Variants in LNX2 observed in about 807,000 individuals in gnomAD.
LNX2 encodes the protein ligand of numb-protein X 2, also known as ligand of Numb protein X 2.
LNX2 carries 35 observed loss-of-function variants against 66.2 expected under a neutral mutation model. The ratio of observed to expected loss-of-function variants is 0.53; its 90% CI spans 0.40 to 0.70. The LOEUF (loss-of-function observed/expected upper bound fraction) is 0.70, where lower values mean the gene tolerates loss of function less well. Among genes scored for constraint, LNX2 ranks in the 30% least tolerant of loss-of-function variants. LNX2 has a pLI of 0.00. For synonymous variants in LNX2, 337 were observed against 315.6 expected (o/e 1.07, Z -0.72); for missense variants, 791 against 850.8 (o/e 0.93, Z 0.87).
At chr13:27,607,563 T>C (rs1258156761) in intron 1 of LNX2, among the ~76,000 whole-genome samples, 2 of 152,210 alleles carry the variant, frequency 1.3e-5, no homozygotes, top group East Asian at 1.9e-4. Flanking sequence ...TAATAACTGG[T>C]AGGGTTTTGT....
chr13:27,576,101 C>T (rs1025466944), intron 2 of LNX2, among the ~76,000 whole-genome samples: 1 of 152,086 alleles, frequency 6.6e-6, no homozygotes, highest in Non-Finnish European at 1.5e-5. Context: ...GATTCAAAGA[C>T]ATAAATAAAG....
chr13:27,569,367 C>G (rs1955249296), intron 2 of LNX2, 91 bp from the exon 3 acceptor site: 1 of 1,382,844 alleles, frequency 7.2e-7, no homozygotes, highest in African/African-American at 1.5e-5. Context: ...TCTACACAAA[C>G]AGAACCAGAA....
chr13:27,548,564 A>C, intron 9 of LNX2, 94 bp from the exon 10 acceptor site: 2 of 1,303,224 alleles, frequency 1.5e-6, no homozygotes, highest in African/African-American at 1.5e-5. Flanking sequence ...ATGCGGTTTC[A>C]CTTACCACTG....
At position 27,556,249 on chromosome 13, in the gene LNX2, G is replaced by A. The variant is rs1384099114; in HGVS notation, c.1533C>T (p.Gly511=). 5 of 1,613,380 alleles carry A rather than the reference G, an allele frequency of 3.1e-6. No individual in the cohort carries two copies. Among genetic ancestry groups the A allele is most frequent in the Non-Finnish European group, 3.4e-6 (4 of 1,179,736 alleles). The change falls in exon 7 of 10, where the codon GGC becomes GGT. Residue 511 remains glycine (G), a synonymous_variant. Coordinates refer to ENST00000316334, the MANE Select transcript of LNX2 (RefSeq NM_153371.4). ...VPPHGCLARD[G]RIKRGDVLLN... Reference sequence around the variant, plus strand: ...ATCCCATCTTACCTCTCTTTATTCTGCCATCTCGTGCAAGGCAGCCATGGG... The same window carrying A: ...ATCCCATCTTACCTCTCTTTATTCTACCATCTCGTGCAAGGCAGCCATGGG...
chr13:27,600,981 A>G (rs1191800072), intron 1 of LNX2, among the ~76,000 whole-genome samples: 1 of 152,152 alleles, frequency 6.6e-6, no homozygotes, highest in Non-Finnish European at 1.5e-5. Flanking sequence ...TCCTTTAACC[A>G]TATTACTTGA....
chr13:27,620,472 T>A lies in LNX2; in HGVS notation c.-198A>T, dbSNP rs1955888286. ...CGGCCCGCTGAGGGAGCGGAGAGCC[T>A]GCCCGGCTCCGCTCCGCCAGGAATC... On this transcript the variant is annotated 5_prime_UTR_variant, in exon 1 of 10. Transcript: ENST00000316334. 1.2e-5 allele frequency: 2 copies of A among 164,322 alleles called. No homozygotes were observed. The highest frequency in any genetic ancestry group is 2.6e-5 in the Non-Finnish European group (2 of 77,660). The allele number at this position is 164,322 out of a possible 1,614,324, so 10.2% of individuals were successfully genotyped here.
Position 27,546,167 on chromosome 13 carries a change from T to C in LNX2, c.*2168A>G, listed in dbSNP as rs778308108. The C allele has an allele frequency of 6.6e-6, 1 of 152,212 alleles. No individual in the cohort carries two copies. The highest frequency in any genetic ancestry group is 1.5e-5 in the Non-Finnish European group (1 of 68,036). The allele number at this position is 152,212 out of a possible 1,614,324, so 9.4% of individuals were successfully genotyped here. A position where few individuals can be genotyped will look rare whatever the true frequency, so the allele number is the denominator to read the frequency against. On this transcript the variant is annotated 3_prime_UTR_variant, in exon 10 of 10. Coordinates refer to ENST00000316334, the MANE Select transcript of LNX2 (RefSeq NM_153371.4). ...GCTACAGCTTAAGCTGATTCCAAGATTTCTATAAAAATGAGAGTGAAGAAA... is the reference window on the plus strand; with the variant it reads ...GCTACAGCTTAAGCTGATTCCAAGACTTCTATAAAAATGAGAGTGAAGAAA...
chr13:27,577,452 T>C (rs1237793814), intron 2 of LNX2, among the ~76,000 whole-genome samples: 1 of 152,144 alleles, frequency 6.6e-6, no homozygotes, highest in Admixed American at 6.5e-5. Flanking sequence ...TAAAGCAGGG[T>C]TGTCCAATCT....
At chr13:27,595,666 T>C (rs1412047322) in intron 1 of LNX2, among the ~76,000 whole-genome samples, 2 of 152,336 alleles carry the variant, frequency 1.3e-5, no homozygotes, top group East Asian at 3.9e-4. Flanking sequence ...CATATCTGTC[T>C]CTATGTCCAC....
chr13:27,570,856 A>T (rs1163755157), intron 2 of LNX2, among the ~76,000 whole-genome samples: 1 of 152,174 alleles, frequency 6.6e-6, no homozygotes, highest in Non-Finnish European at 1.5e-5. Flanking sequence ...ATACAGACAG[A>T]TTATGTACAC....
chr13:27,552,375 CTAG>C lies in LNX2; in HGVS notation c.1778+830_1778+832del, dbSNP rs551790977. Reference sequence around the variant, plus strand: ...AGCGCCTTGAAGCACTATATAAATGCTAGTTGTTGTTATAAATGTATCCCACGA... The same window carrying C: ...AGCGCCTTGAAGCACTATATAAATGCTTGTTGTTATAAATGTATCCCACGA... On this transcript the variant is annotated intron_variant, in intron 8 of 9. Coordinates refer to ENST00000316334, the MANE Select transcript of LNX2 (RefSeq NM_153371.4). Among the ~76,000 whole-genome samples the C allele has an allele frequency of 3.1e-3, 473 of 152,310 alleles. 1 individual carries two copies. The highest frequency in any genetic ancestry group is 6.8e-3 in the Middle Eastern group (2 of 294).
chr13:27,557,951 C>A (rs1166183307), intron 6 of LNX2, among the ~76,000 whole-genome samples: 4 of 151,924 alleles, frequency 2.6e-5, no homozygotes, highest in African/African-American at 9.7e-5. Context: ...CAGGTTCAGC[C>A]CTTACATATT....
At chr13:27,593,722 C>T (rs1041247037) in intron 1 of LNX2, among the ~76,000 whole-genome samples, 8 of 150,634 alleles carry the variant, frequency 5.3e-5, no homozygotes, top group Admixed American at 5.3e-4. Flanking sequence ...CGCCCACCAC[C>T]ACGCCTGGTT....
chr13:27,573,956 T>C (rs1050746786), intron 2 of LNX2, among the ~76,000 whole-genome samples: 1 of 146,384 alleles, frequency 6.8e-6, no homozygotes, highest in Non-Finnish European at 1.5e-5. Context: ...CAACAGAAAC[T>C]GTCCCTAAGG....
chr13:27,556,149 G>T, intron 7 of LNX2, 87 bp downstream of exon 7: 2 of 1,271,786 alleles, frequency 1.6e-6, no homozygotes, highest in South Asian at 1.4e-5. Context: ...ATGTTTAATA[G>T]ATACTTTGTA....
chr13:27,564,139 A>G (rs929379264), intron 4 of LNX2, among the ~76,000 whole-genome samples: 1 of 152,210 alleles, frequency 6.6e-6, no homozygotes, highest in African/African-American at 2.4e-5. Flanking sequence ...ATCACAAATG[A>G]CTTTACAAAA....
intron 2 of LNX2, 94 bp from the exon 3 acceptor site, chr13:27,569,370 A>T (rs531157709): frequency 5.9e-6 from 8 of 1,361,104 alleles, no homozygotes; most frequent in Admixed American, 4.3e-5. Flanking sequence ...ACACAAACAG[A>T]ACCAGAAGCT....
intron 4 of LNX2, 130 bp downstream of exon 4, chr13:27,567,510 G>GT: frequency 1.4e-6 from 1 of 710,070 alleles, no homozygotes. Flanking sequence ...AAATTCTGAT[G>GT]TTTTGCATAT....
chr13:27,593,844 C>T (rs183785120), intron 1 of LNX2, among the ~76,000 whole-genome samples: 1 of 151,340 alleles, frequency 6.6e-6, no homozygotes, highest in South Asian at 2.1e-4. Flanking sequence ...GATCTGCCTG[C>T]CTCTGCCTCC....
Sources: gnomAD v4.1 joint callset for allele counts (sites outside exome capture counted in the v4.1 genomes callset) on GRCh38, gnomAD v4.1.1 for gene constraint, MANE v1.5 for transcripts, NCBI Gene and HGNC (gene_info 2026-07-23, HGNC 2026-07-21) for gene names.